Variants in BTBD7 observed in about 807,000 individuals in gnomAD.
The protein encoded by BTBD7 is BTB domain containing 7, also known as BTB/POZ domain-containing protein 7.
Under a neutral mutation model 99.9 loss-of-function variants are expected in BTBD7, and 38 were observed. The observed-to-expected ratio is 0.38, with a 90% CI of 0.29 to 0.50. The LOEUF (loss-of-function observed/expected upper bound fraction) is 0.50, where lower values mean the gene tolerates loss of function less well. Among genes scored for constraint, BTBD7 ranks in the 20% least tolerant of loss-of-function variants. The probability of loss-of-function intolerance (pLI) is 0.93; values close to 1 mark genes in which losing one functional copy is unlikely to be tolerated. For missense variants in BTBD7, 1,170 were observed against 1,394.6 expected (o/e 0.84, Z 2.57); for synonymous variants, 520 against 511.4 (o/e 1.02, Z -0.23).
In BTBD7 at chr14:93,294,769, T is replaced by C. The variant is rs749895557; in HGVS notation, c.251A>G (p.Lys84Arg). ...CCCAGAGAGGAGTTCTCGCATCTGC[T>C]TGGCATGATCGGCAGACCTATTAGA... is the stretch of plus-strand genomic sequence containing the variant. ...RKSNRSADHA[K>R]QMRELLSGWD... Residue 84 changes from lysine to arginine, a missense_variant, in exon 3 of 11, where the codon AAG becomes AGG. Around this residue, in one of 4 missense-constraint regions of BTBD7, gnomAD observed 359 missense variants for 497.9 expected, o/e 0.72. Transcript: ENST00000334746. 7.4e-6 allele frequency: 12 copies of C among 1,613,916 alleles called. No homozygotes were observed. The highest frequency in any genetic ancestry group is 6.7e-5 in the African/African-American group (5 of 74,882).
chr14:93,257,907 T>TC (rs200795522), intron 5 of BTBD7, among the ~76,000 whole-genome samples: 1,947 of 152,306 alleles, frequency 0.013, 38 homozygotes, highest in African/African-American at 0.045. Context: ...ATGGGAACAT[T>TC]ACTGCATAAA....
intron 5 of BTBD7, among the ~76,000 whole-genome samples, chr14:93,258,098 A>AT (rs1434086158): frequency 6.6e-6 from 1 of 150,794 alleles, no homozygotes; most frequent in Non-Finnish European, 1.5e-5. Flanking sequence ...GGGGTCTGTA[A>AT]TTTTTTTCTT....
chr14:93,329,297 T>C (rs114629329), intron 1 of BTBD7, among the ~76,000 whole-genome samples: 2,552 of 151,892 alleles, frequency 0.017, 79 homozygotes, highest in African/African-American at 0.059. Flanking sequence ...TTTTAAAAAA[T>C]GCAAACCAAA....
intron 1 of BTBD7, among the ~76,000 whole-genome samples, chr14:93,318,330 T>A (rs1056708558): frequency 1.3e-5 from 2 of 152,198 alleles, no homozygotes; most frequent in African/African-American, 4.8e-5. Flanking sequence ...GTGGTTATGA[T>A]TGGGAAGAGG....
intron 1 of BTBD7, among the ~76,000 whole-genome samples, chr14:93,318,926 T>C (rs1437808542): frequency 3.9e-5 from 6 of 152,068 alleles, no homozygotes; most frequent in Admixed American, 1.3e-4. Flanking sequence ...CCTTAATAAA[T>C]GAGGTGCAAG....
At chr14:93,308,562 T>C (rs930071396) in intron 1 of BTBD7, among the ~76,000 whole-genome samples, 1 of 152,202 alleles carries the variant, frequency 6.6e-6, no homozygotes, top group African/African-American at 2.4e-5. Context: ...CCCACGTTCA[T>C]AGCAAAATTA....
At chr14:93,331,814 G>A (rs1379777661) in intron 1 of BTBD7, among the ~76,000 whole-genome samples, 1 of 151,472 alleles carries the variant, frequency 6.6e-6, no homozygotes, top group Non-Finnish European at 1.5e-5. Flanking sequence ...CTGAGAGGCG[G>A]AGGTTGCAGT....
intron 1 of BTBD7, among the ~76,000 whole-genome samples, chr14:93,304,816 C>T (rs922146166): frequency 6.6e-6 from 1 of 152,168 alleles, no homozygotes; most frequent in African/African-American, 2.4e-5. Context: ...GTTTAAAATA[C>T]AAGGGTATAC....
chr14:93,321,624 C>T (rs2053271118), intron 1 of BTBD7, among the ~76,000 whole-genome samples: 1 of 152,122 alleles, frequency 6.6e-6, no homozygotes, highest in South Asian at 2.1e-4. Context: ...CCCAAAGGTG[C>T]TCATAGTGGG....
At chr14:93,250,609 G>A (rs1273906958) in intron 8 of BTBD7, among the ~76,000 whole-genome samples, 1 of 152,190 alleles carries the variant, frequency 6.6e-6, no homozygotes, top group African/African-American at 2.4e-5. Context: ...GCTATAGTGT[G>A]CTGGTTTTTA....
chr14:93,252,971 C>T (rs577366122), intron 7 of BTBD7, among the ~76,000 whole-genome samples: 5 of 152,078 alleles, frequency 3.3e-5, no homozygotes, highest in South Asian at 4.2e-4. Flanking sequence ...TCAGGGTGCA[C>T]GCCACCACAA....
At chr14:93,329,759 A>G (rs762659827) in intron 1 of BTBD7, among the ~76,000 whole-genome samples, 1 of 152,224 alleles carries the variant, frequency 6.6e-6, no homozygotes, top group Non-Finnish European at 1.5e-5. Flanking sequence ...TAAAAGAGAC[A>G]GTAGAACTGT....
At chr14:93,270,895 A>C (rs2052594564) in intron 3 of BTBD7, among the ~76,000 whole-genome samples, 1 of 152,162 alleles carries the variant, frequency 6.6e-6, no homozygotes, top group East Asian at 1.9e-4. Context: ...CACTTTACAG[A>C]TCCATCTCCT....
At chr14:93,309,312 T>C (rs912790590) in intron 1 of BTBD7, among the ~76,000 whole-genome samples, 1 of 150,238 alleles carries the variant, frequency 6.7e-6, no homozygotes, top group Non-Finnish European at 1.5e-5. Context: ...AAGAGTAAAA[T>C]GGGCCAGGTG....
chr14:93,276,446 A>G (rs11160111), intron 3 of BTBD7, among the ~76,000 whole-genome samples: 29,836 of 151,762 alleles, frequency 0.2, 4,372 homozygotes, highest in African/African-American at 0.42. Flanking sequence ...AGGGTGGGGG[A>G]CTCTTTACAG....
intron 6 of BTBD7, among the ~76,000 whole-genome samples, chr14:93,254,881 C>A (rs190883637): frequency 2.0e-4 from 30 of 152,296 alleles, no homozygotes; most frequent in African/African-American, 7.2e-4. Flanking sequence ...GAGTTAAGAG[C>A]AGAGGTATAT....
intron 9 of BTBD7, 55 bp from the exon 10 acceptor site, chr14:93,246,341 GGAAATTTATAGGCTGAGA>G: frequency 6.9e-7 from 1 of 1,450,896 alleles, no homozygotes; most frequent in Non-Finnish European, 9.1e-7. Context: ...TTTCATAAGT[GGAAATTTATAGGCTGAGA>G]GAATTAAGTG....
chr14:93,249,170 A>C (rs1848940266), intron 8 of BTBD7, among the ~76,000 whole-genome samples: 1 of 150,746 alleles, frequency 6.6e-6, no homozygotes. Flanking sequence ...ACACTGAGGG[A>C]CTGGAAGGGG....
At position 93,242,585 on chromosome 14, in the gene BTBD7, G is replaced by C. The variant is rs113142695; in HGVS notation, c.3087C>G (p.Val1029=). 7.4e-6 allele frequency: 12 copies of C among 1,614,196 alleles called. No individual in the cohort carries two copies. Among genetic ancestry groups the C allele is most frequent in the Middle Eastern group, 3.3e-4 (2 of 6,062 alleles). The part of the protein sequence containing the change: ...RQKNEPIHLD[V]VEQPPQRSDF... ...CTGACCGCTGGGGAGGTTGCTCAAC[G>C]ACATCCAGGTGTATCGGCTCATTCT... Residue 1029 remains valine, a synonymous_variant, in exon 11 of 11, where the codon GTC becomes GTG. Coordinates refer to ENST00000334746, the MANE Select transcript of BTBD7 (RefSeq NM_001002860.4).
Sources: gnomAD v4.1 joint callset for allele counts (sites outside exome capture counted in the v4.1 genomes callset) on GRCh38, gnomAD v4.1.1 for gene constraint, gnomAD v4.1.1 regional missense constraint, MANE v1.5 for transcripts, NCBI Gene and HGNC (gene_info 2026-07-23, HGNC 2026-07-21) for gene names.